The following ELF1 variants were observed in gnomAD, a reference collection of about 807,000 sequenced individuals.
The protein encoded by ELF1 is E74 like ETS transcription factor 1, also known as ETS-related transcription factor Elf-1.
In ELF1, 24 loss-of-function variants were observed where a neutral mutation model predicts 59.9. The observed-to-expected ratio is 0.40, with a 90% confidence interval of 0.29 to 0.56. ELF1 has a LOEUF of 0.56. Ranked by LOEUF, ELF1 falls within the 20% of genes least tolerant of loss-of-function variation. ELF1 has a pLI of 0.44. For missense variants in ELF1, 627 were observed against 742.2 expected, an observed-to-expected ratio of 0.84 and a Z score of 1.80; for synonymous variants, 248 against 266.2, an observed-to-expected ratio of 0.93 and a Z score of 0.67.
At chr13:41,012,545 CTT>C (rs574593869) in intron 1 of ELF1, among the ~76,000 whole-genome samples, 57 of 126,540 alleles carry the variant, frequency 4.5e-4, no homozygotes, top group African/African-American at 1.2e-3. Flanking sequence ...CTTTTCTTTT[CTT>C]TTTTTTTTTT....
chr13:41,048,229 G>A (rs1291815158), intron 1 of ELF1, among the ~76,000 whole-genome samples: 2 of 152,224 alleles, frequency 1.3e-5, no homozygotes, highest in African/African-American at 2.4e-5. Context: ...GCTTCCAGGT[G>A]AGGCGATGCC....
chr13:41,007,759 C>T (rs1874835076), intron 1 of ELF1, among the ~76,000 whole-genome samples: 1 of 152,202 alleles, frequency 6.6e-6, no homozygotes, highest in African/African-American at 2.4e-5. Context: ...AATTTTTAGA[C>T]ATTTGTATTA....
intron 2 of ELF1, among the ~76,000 whole-genome samples, chr13:40,971,559 A>G (rs1428117550): frequency 2.0e-5 from 3 of 152,142 alleles, no homozygotes; most frequent in African/African-American, 4.8e-5. Context: ...CCAGTATTTG[A>G]GTGTTTCTGA....
intron 1 of ELF1, among the ~76,000 whole-genome samples, chr13:41,048,545 A>G (rs1165297284): frequency 6.6e-6 from 1 of 152,032 alleles, no homozygotes; most frequent in Non-Finnish European, 1.5e-5. Flanking sequence ...CCTCCCGAGT[A>G]GCTGGGATTA....
chr13:40,994,821 T>C (rs575911044), intron 1 of ELF1, among the ~76,000 whole-genome samples: 1 of 152,212 alleles, frequency 6.6e-6, no homozygotes, highest in South Asian at 2.1e-4. Flanking sequence ...AACTGTTTCA[T>C]TTCTGTGACC....
chr13:40,976,811 C>T (rs1246068581), intron 2 of ELF1, among the ~76,000 whole-genome samples: 1 of 152,176 alleles, frequency 6.6e-6, no homozygotes, highest in Non-Finnish European at 1.5e-5. Context: ...TCCCAAAGTG[C>T]TGGGATTACA....
intron 1 of ELF1, among the ~76,000 whole-genome samples, chr13:41,007,670 CTG>C (rs1461516991): frequency 1.3e-5 from 2 of 152,126 alleles, no homozygotes; most frequent in African/African-American, 2.4e-5. Context: ...CAGAAAAATA[CTG>C]TGTTATAAGC....
chr13:40,933,615 A>G lies in ELF1; in HGVS notation c.1670T>C (p.Ile557Thr), dbSNP rs779846089. 1.2e-6 allele frequency: 2 copies of G among 1,614,066 alleles called. No individual in the cohort carries two copies. Among genetic ancestry groups the G allele is most frequent in the Non-Finnish European group, 8.5e-7 (1 of 1,180,032 alleles). ...AAGAGTTTTTGTTTCTTGAGTTTTG[A>G]TAACTGAAGTGATTACAGTGCCAGG... ...HPPGTVITSV[I>T]KTQETKTLTQ... Residue 557 changes from isoleucine to threonine, a missense_variant, in exon 9 of 9, where the codon ATC (isoleucine) becomes ACC (threonine). Physicochemically the swap from Ile to Thr is moderately conservative, Grantham distance 89. Transcript: ENST00000239882.
At chr13:41,015,002 C>G (rs895460602) in intron 1 of ELF1, among the ~76,000 whole-genome samples, 2 of 151,866 alleles carry the variant, frequency 1.3e-5, no homozygotes, top group Admixed American at 6.6e-5. Context: ...TGCCCTCCCC[C>G]CAAAAAAAGA....
At chr13:41,050,375 C>T (rs1877035751) in intron 1 of ELF1, among the ~76,000 whole-genome samples, 1 of 152,186 alleles carries the variant, frequency 6.6e-6, no homozygotes, top group Admixed American at 6.5e-5. Flanking sequence ...ACTGTATGTA[C>T]ACACCACACT....
intron 1 of ELF1, among the ~76,000 whole-genome samples, chr13:40,988,380 A>C (rs138615759): frequency 1.5e-3 from 235 of 152,342 alleles, no homozygotes; most frequent in Middle Eastern, 3.4e-3. Context: ...TGGTACCTTT[A>C]TATCTATATT....
At chr13:40,956,571 CAAAAAA>C (rs34245662) in intron 3 of ELF1, among the ~76,000 whole-genome samples, 4 of 76,148 alleles carry the variant, frequency 5.3e-5, no homozygotes, top group South Asian at 4.4e-4. Flanking sequence ...CAAGAATGAT[CAAAAAA>C]AAAAAAAAAA....
intron 1 of ELF1, among the ~76,000 whole-genome samples, chr13:41,033,174 G>C (rs969052580): frequency 1.3e-5 from 2 of 152,152 alleles, no homozygotes; most frequent in African/African-American, 4.8e-5. Flanking sequence ...ACCAACATTA[G>C]CAACTAGCTG....
intron 2 of ELF1, among the ~76,000 whole-genome samples, chr13:40,979,329 A>G (rs1340775967): frequency 6.6e-6 from 1 of 152,290 alleles, no homozygotes; most frequent in African/African-American, 2.4e-5. Flanking sequence ...TCTCACAGCA[A>G]TCCTATAACT....
upstream of ELF1, among the ~76,000 whole-genome samples, chr13:41,019,815 T>C (rs1219372564): frequency 6.6e-6 from 1 of 152,162 alleles, no homozygotes; most frequent in African/African-American, 2.4e-5. Context: ...CAAAGCCAGA[T>C]GCAGATCTGT....
chr13:41,057,564 T>G (rs141443688), intron 1 of ELF1, among the ~76,000 whole-genome samples: 123 of 152,172 alleles, frequency 8.1e-4, no homozygotes, highest in African/African-American at 2.6e-3. Flanking sequence ...CCACCACGCC[T>G]GGCTAATTTT....
At chr13:41,057,956 TTTCA>T (rs1877349797) in intron 1 of ELF1, among the ~76,000 whole-genome samples, 2 of 152,358 alleles carry the variant, frequency 1.3e-5, no homozygotes, top group South Asian at 4.1e-4. Flanking sequence ...TAAGCCTAGA[TTTCA>T]TTCCTATAAA....
At chr13:40,983,077 C>G (rs1257209751) in intron 1 of ELF1, among the ~76,000 whole-genome samples, 1 of 152,132 alleles carries the variant, frequency 6.6e-6, no homozygotes, top group South Asian at 2.1e-4. Flanking sequence ...TTTAAAATGT[C>G]TGCCAAAGAT....
At chr13:41,005,093 C>T (rs1593390928) in intron 1 of ELF1, among the ~76,000 whole-genome samples, 1 of 152,078 alleles carries the variant, frequency 6.6e-6, no homozygotes, top group Non-Finnish European at 1.5e-5. Flanking sequence ...TCTGTTACAT[C>T]TTTATGTCTT....
Sources: gnomAD v4.1 joint callset for allele counts (sites outside exome capture counted in the v4.1 genomes callset) on GRCh38, gnomAD v4.1.1 for gene constraint, MANE v1.5 for transcripts, NCBI Gene and HGNC (gene_info 2026-07-23, HGNC 2026-07-21) for gene names.